The following LAX1 variants were observed in gnomAD, a reference collection of about 807,000 sequenced individuals.
LAX1 encodes the protein lymphocyte transmembrane adaptor 1, also known as lymphocyte transmembrane adapter 1.
Under a neutral mutation model 20.7 loss-of-function variants are expected in LAX1, and 17 were observed. That is an observed-to-expected ratio of 0.82 (90% CI 0.56 to 1.23). The LOEUF (loss-of-function observed/expected upper bound fraction) is 1.23. LAX1 is among the 50% of genes most tolerant of loss of function. LAX1 has a pLI of 0.00. For synonymous variants in LAX1, 165 were observed against 181.0 expected (o/e 0.91, Z 0.71); for missense variants, 470 against 487.0 (o/e 0.97, Z 0.33).
Position 203,774,284 on chromosome 1 carries a change from A to T in LAX1, c.800A>T (p.Asp267Val), listed in dbSNP as rs761957260. 6.2e-7 allele frequency: 1 copy of T among 1,614,170 alleles called. No homozygotes were observed. Among genetic ancestry groups the T allele is most frequent in the East Asian group, 2.2e-5 (1 of 44,878 alleles). ...GAAGGTTCTTCTCAGATCTCAAATG[A>T]CTATGTCAACATGACAGGGTTGGAT... The part of the protein sequence containing the change: ...NGEGSSQISN[D>V]YVNMTGLDLS... Residue 267 changes from aspartate (D) to valine (V), a missense_variant, in exon 5 of 5, where the codon GAC (aspartate) becomes GTC (valine). Physicochemically the swap from Asp to Val is radical, Grantham distance 152. Transcript: ENST00000442561.
rs1347101786 is a variant in LAX1, at chr1:203,773,895, C to T, written c.411C>T (p.Ala137=). ...PEHVPSQAGN[A]FQEHTAHIHA... ...CATAGCCCTCCCAAGCAGGCAATGC[C>T]TTCCAGGAGCATACAGCCCACATCC... The change falls in exon 5 of 5, where the codon GCC becomes GCT. Residue 137 remains alanine (A), a synonymous_variant. Transcript: ENST00000442561. 6.2e-7 allele frequency: 1 copy of T among 1,611,642 alleles called. No homozygotes were observed. Among genetic ancestry groups the T allele is most frequent in the Non-Finnish European group, 8.5e-7 (1 of 1,179,120 alleles).
intron 1 of LAX1, among the ~76,000 whole-genome samples, chr1:203,769,397 AAAAGAAAGAAAG>A (rs1200921518): frequency 7.8e-5 from 6 of 76,688 alleles, no homozygotes; most frequent in African/African-American, 3.3e-4. Flanking sequence ...GTCTCAAAAA[AAAAGAAAGAAAG>A]AAAGAAAGAA....
At chr1:203,765,973 C>A (rs1667297424) in intron 1 of LAX1, among the ~76,000 whole-genome samples, 1 of 151,902 alleles carries the variant, frequency 6.6e-6, no homozygotes, top group Non-Finnish European at 1.5e-5. Context: ...CTAGGTGTCA[C>A]CATGACAGAA....
intron 2 of LAX1, 99 bp from the exon 3 acceptor site, chr1:203,771,268 G>A (rs1203211742): frequency 1.2e-6 from 1 of 824,572 alleles, no homozygotes; most frequent in Non-Finnish European, 2.1e-6. Flanking sequence ...AACTGGCAAG[G>A]ATGGGGAGCA....
intron 1 of LAX1, among the ~76,000 whole-genome samples, chr1:203,769,467 G>GAA: frequency 6.9e-6 from 1 of 143,914 alleles, no homozygotes; most frequent in African/African-American, 2.6e-5. Flanking sequence ...AGAAAAGAAA[G>GAA]AAAGTTGTAT....
intron 1 of LAX1, among the ~76,000 whole-genome samples, chr1:203,769,990 C>T (rs977605889): frequency 7.2e-5 from 11 of 152,250 alleles, no homozygotes; most frequent in Admixed American, 1.3e-4. Context: ...GGTCTTTGGA[C>T]GCAAACAGAC....
Position 203,771,612 on chromosome 1 carries a change from G to A in LAX1, c.310+135G>A, listed in dbSNP as rs907436052. On this transcript the variant is annotated intron_variant, in intron 3 of 4. Coordinates refer to ENST00000442561, the MANE Select transcript of LAX1 (RefSeq NM_017773.4). ...CCTTCAGAGAGTATCAGGGAGAATGGGATAGATAGACTGTCAGCTGCAACT... is the reference window on the plus strand; with the variant it reads ...CCTTCAGAGAGTATCAGGGAGAATGAGATAGATAGACTGTCAGCTGCAACT... 7.3e-6 allele frequency: 5 copies of A among 686,624 alleles called. No individual in the cohort carries two copies. The African/African-American group carries it at 8.8e-5, about 12-fold the overall frequency. 42.5% of individuals were successfully genotyped at this position (686,624 alleles called of 1,614,324 possible).
In LAX1 at chr1:203,765,193, G is replaced by A. The variant is rs1667284949; in HGVS notation, c.-373G>A. On this transcript the variant is annotated 5_prime_UTR_variant, in exon 1 of 5. Coordinates refer to ENST00000442561, the MANE Select transcript of LAX1 (RefSeq NM_017773.4). Reference sequence around the variant, plus strand: ...TGGTTTGCTCTTTTCACTCTGCTTTGGGTGTTGAAGGAAGACGAGCTTCTC... The same window carrying A: ...TGGTTTGCTCTTTTCACTCTGCTTTAGGTGTTGAAGGAAGACGAGCTTCTC... The A allele has an allele frequency of 1.5e-6, 1 of 669,514 alleles. No homozygotes were observed. Among genetic ancestry groups the A allele is most frequent in the Admixed American group, 2.6e-5 (1 of 37,840 alleles). 41.5% of individuals were successfully genotyped at this position (669,514 alleles called of 1,614,324 possible). A position where few individuals can be genotyped will look rare whatever the true frequency, so the allele number is the denominator to read the frequency against.
intron 4 of LAX1, among the ~76,000 whole-genome samples, chr1:203,772,603 T>A (rs935437858): frequency 6.6e-6 from 1 of 152,166 alleles, no homozygotes; most frequent in African/African-American, 2.4e-5. Context: ...AATTTTTGTA[T>A]TTTTAGTAGA....
Position 203,774,466 on chromosome 1 carries a change from C to T in LAX1, c.982C>T (p.Pro328Ser), listed in dbSNP as rs1667477006. The T allele has an allele frequency of 2.5e-6, 4 of 1,614,190 alleles. No homozygotes were observed. The highest frequency in any genetic ancestry group is 3.4e-6 in the Non-Finnish European group (4 of 1,180,036). Reference sequence around the variant, plus strand: ...TCATGTCGAGGACAAGACAGATGATCCCGGGACCCATGTCCAATGTGTCAA... The same window carrying T: ...TCATGTCGAGGACAAGACAGATGATTCCGGGACCCATGTCCAATGTGTCAA... ...IGHVEDKTDD[P>S]GTHVQCVKRT... Residue 328 changes from proline to serine, a missense_variant, in exon 5 of 5, where the codon CCC becomes TCC. Pro to Ser is a moderately conservative substitution (Grantham distance 74, BLOSUM62 -1). Transcript: ENST00000442561.
At chr1:203,772,725 A>ATTTTT (rs34901413) in intron 4 of LAX1, among the ~76,000 whole-genome samples, 4 of 137,656 alleles carry the variant, frequency 2.9e-5, no homozygotes, top group Non-Finnish European at 4.6e-5. Flanking sequence ...CGTGCCCAGC[A>ATTTTT]TTTTTTTTTT....
chr1:203,767,936 G>GCAA (rs1558069184), intron 1 of LAX1, among the ~76,000 whole-genome samples: 1 of 151,670 alleles, frequency 6.6e-6, no homozygotes, highest in Non-Finnish European at 1.5e-5. Flanking sequence ...ACCAGCCTGA[G>GCAA]CAACACATGG....
intron 1 of LAX1, among the ~76,000 whole-genome samples, chr1:203,766,853 T>G (rs905154191): frequency 2.6e-5 from 4 of 151,972 alleles, no homozygotes; most frequent in Admixed American, 1.3e-4. Context: ...GTTTTGTTTG[T>G]TTTTTTTATT....
Position 203,765,665 on chromosome 1 carries a change from C to T in LAX1, c.89+11C>T, listed in dbSNP as rs372684696. On this transcript the variant is annotated intron_variant, in intron 1 of 4. Transcript: ENST00000442561. ...CCGCAGCCTGGACAGGTGAGTGACT[C>T]AGGGTGGTGAGCTCCACCCTGCCCT... The T allele has an allele frequency of 1.3e-5, 21 of 1,613,468 alleles. No individual in the cohort carries two copies. The African/African-American group carries it at 2.7e-4, about 21-fold the overall frequency.
chr1:203,774,430 T>G lies in LAX1; in HGVS notation c.946T>G (p.Ser316Ala). The G allele has an allele frequency of 6.2e-7, 1 of 1,614,194 alleles. No homozygotes were observed. Among genetic ancestry groups the G allele is most frequent in the Non-Finnish European group, 8.5e-7 (1 of 1,180,034 alleles). The change falls in exon 5 of 5, where the codon TCA (serine) becomes GCA (alanine). Residue 316 changes from serine to alanine, a missense_variant. Coordinates refer to ENST00000442561, the MANE Select transcript of LAX1 (RefSeq NM_017773.4). ...QQQAEKDVPS[S>A]NIGHVEDKTD... Reference sequence around the variant, plus strand: ...GCAGGCTGAGAAAGATGTGCCATCCTCAAACATAGGTCATGTCGAGGACAA... The same window carrying G: ...GCAGGCTGAGAAAGATGTGCCATCCGCAAACATAGGTCATGTCGAGGACAA...
chr1:203,772,664 C>G (rs6593931), intron 4 of LAX1, among the ~76,000 whole-genome samples: 46,414 of 151,492 alleles, frequency 0.31, 7,225 homozygotes, highest in South Asian at 0.36. Flanking sequence ...TTGACCTTTT[C>G]ATCCACCCGC....
chr1:203,773,822 T>C, intron 4 of LAX1, 53 bp from the exon 5 acceptor site: 2 of 948,048 alleles, frequency 2.1e-6, no homozygotes. Context: ...AAGAAAGGCT[T>C]TGTCCATATT....
At position 203,772,159 on chromosome 1, in the gene LAX1, GCTT is replaced by G. The variant is rs1667433492; in HGVS notation, c.390+16_390+18del. 1 of 1,598,144 alleles carries G rather than the reference GCTT, an allele frequency of 6.3e-7. No homozygotes were observed. Among genetic ancestry groups the G allele is most frequent in the African/African-American group, 1.3e-5 (1 of 74,608 alleles). On this transcript the variant is annotated intron_variant, in intron 4 of 4. Coordinates refer to ENST00000442561, the MANE Select transcript of LAX1 (RefSeq NM_017773.4). ...GCCCGGAGCATGTGGTAAGAGTCAA[GCTT>G]CTTGGGAGAATGACATGTCTCTGGC...
At position 203,765,276 on chromosome 1, in the gene LAX1, C is replaced by A; in HGVS notation, c.-290C>A. On this transcript the variant is annotated 5_prime_UTR_variant, in exon 1 of 5. Transcript: ENST00000442561. ...CCCCTCTGTGCCCCTCACGTTTCCACCAGAAACGTGAAGGCAGAGGCCACA... is the reference window on the plus strand; with the variant it reads ...CCCCTCTGTGCCCCTCACGTTTCCAACAGAAACGTGAAGGCAGAGGCCACA... The A allele has an allele frequency of 7.0e-7, 1 of 1,429,806 alleles. No homozygotes were observed. Among genetic ancestry groups the A allele is most frequent in the Non-Finnish European group, 9.6e-7 (1 of 1,036,738 alleles). 88.6% of individuals were successfully genotyped at this position (1,429,806 alleles called of 1,614,324 possible). A position where few individuals can be genotyped will look rare whatever the true frequency, so the allele number is the denominator to read the frequency against.
Sources: gnomAD v4.1 joint callset for allele counts (sites outside exome capture counted in the v4.1 genomes callset) on GRCh38, gnomAD v4.1.1 for gene constraint, MANE v1.5 for transcripts, NCBI Gene and HGNC (gene_info 2026-07-23, HGNC 2026-07-21) for gene names.